The following RWDD3 variants were observed in gnomAD, a reference collection of about 807,000 sequenced individuals.
RWDD3 encodes the protein RWD domain containing 3.
Under a neutral mutation model 26.5 loss-of-function variants are expected in RWDD3, and 30 were observed. The ratio of observed to expected loss-of-function variants is 1.13; its 90% confidence interval spans 0.85 to 1.54. The LOEUF is 1.54. Among genes scored for constraint, RWDD3 ranks in the 40% most tolerant of loss-of-function variants. RWDD3 has a pLI of 0.00. For missense variants in RWDD3, 296 were observed against 309.1 expected, an observed-to-expected ratio of 0.96 and a Z score of 0.32; for synonymous variants, 113 against 114.5, an observed-to-expected ratio of 0.99 and a Z score of 0.09.
At chr1:95,238,250 G>A (rs1387039123) in intron 1 of RWDD3, among the ~76,000 whole-genome samples, 1 of 152,122 alleles carries the variant, frequency 6.6e-6, no homozygotes, top group East Asian at 1.9e-4. Flanking sequence ...TTGTATTTTA[G>A]CAACACTAAT....
chr1:95,234,369 G>C (rs1000500931), intron 1 of RWDD3, 54 bp downstream of exon 1: 1 of 1,502,526 alleles, frequency 6.7e-7, no homozygotes, highest in African/African-American at 1.4e-5. Flanking sequence ...ACCCGCGTTC[G>C]CTTTGCGTCT....
Position 95,244,220 on chromosome 1 carries a change from G to C in RWDD3, c.95G>C (p.Gly32Ala), listed in dbSNP as rs372680176. 14 of 1,613,500 alleles carry C rather than the reference G, an allele frequency of 8.7e-6. No individual in the cohort carries two copies. In the African/African-American group the frequency reaches 1.5e-4, roughly 17 times the overall value. ...WEVLSRSETD[G>A]TVFRIHTKAE... ...TTTGGATGCCTTCCAGAGACAGATG[G>C]GACCGTGTTCAGAATTCACACAAAA... Residue 32 changes from glycine to alanine, a missense_variant, in exon 2 of 4, where the codon GGG becomes GCG. Coordinates refer to ENST00000370202, the MANE Select transcript of RWDD3 (RefSeq NM_015485.5).
At chr1:95,243,682 C>T (rs1367538863) in intron 1 of RWDD3, among the ~76,000 whole-genome samples, 1 of 152,212 alleles carries the variant, frequency 6.6e-6, no homozygotes, top group African/African-American at 2.4e-5. Context: ...AAGAAGAGAA[C>T]ATTCCAGGCA....
In RWDD3 at chr1:95,244,409, T is replaced by G. The variant is rs762360449; in HGVS notation, c.284T>G (p.Leu95Trp). 2.2e-5 allele frequency: 35 copies of G among 1,614,086 alleles called. No homozygotes were observed. The highest frequency in any genetic ancestry group is 5.5e-5 in the South Asian group (5 of 91,084). Residue 95 changes from leucine (L) to tryptophan (W), a missense_variant, in exon 2 of 4, where the codon TTG (leucine) becomes TGG (tryptophan). By Grantham distance (61) the Leu-to-Trp change is moderately conservative (BLOSUM62 -2). Transcript: ENST00000370202. ...ENLLEQAESL[L>W]SEPMVHELVL... is the part of the protein sequence containing the mutation. Reference sequence around the variant, plus strand: ...TTACTTGAGCAAGCAGAGAGCCTTTTGTCGGAGCCTATGGTTCATGAGCTG... The same window carrying G: ...TTACTTGAGCAAGCAGAGAGCCTTTGGTCGGAGCCTATGGTTCATGAGCTG...
At chr1:95,235,585 C>G (rs898002095) in intron 1 of RWDD3, among the ~76,000 whole-genome samples, 5 of 151,770 alleles carry the variant, frequency 3.3e-5, no homozygotes, top group African/African-American at 7.3e-5. Context: ...GTCTCAATCT[C>G]CTGACCTCGT....
chr1:95,245,185 C>T (rs556653160), intron 2 of RWDD3, among the ~76,000 whole-genome samples: 13 of 152,244 alleles, frequency 8.5e-5, no homozygotes, highest in South Asian at 2.1e-4. Context: ...CTGTTATAAC[C>T]GAGATTTCAT....
intron 1 of RWDD3, among the ~76,000 whole-genome samples, chr1:95,242,449 TCTC>T (rs1407186452): frequency 3.9e-5 from 6 of 152,156 alleles, no homozygotes; most frequent in African/African-American, 1.2e-4. Context: ...CTTTAAAAGT[TCTC>T]CTCCTTCTTG....
intron 1 of RWDD3, among the ~76,000 whole-genome samples, chr1:95,241,483 A>G (rs1680618624): frequency 6.6e-6 from 1 of 152,216 alleles, no homozygotes; most frequent in Non-Finnish European, 1.5e-5. Context: ...ATCCTGCTCA[A>G]TCTTTGTCCT....
chr1:95,244,076 C>A (rs935387624), intron 1 of RWDD3, 135 bp from the exon 2 acceptor site: 2 of 1,311,438 alleles, frequency 1.5e-6, no homozygotes, highest in South Asian at 1.5e-5. Flanking sequence ...CCTAGTATTA[C>A]GTGTCCCTTC....
chr1:95,246,606 A>G lies in RWDD3; in HGVS notation c.638A>G (p.Glu213Gly), dbSNP rs1349190423. Residue 213 changes from glutamate (E) to glycine (G), a missense_variant, in exon 3 of 4, where the codon GAG (glutamate) becomes GGG (glycine). Coordinates refer to ENST00000370202, the MANE Select transcript of RWDD3 (RefSeq NM_015485.5). ...DVDSSGKKCK[E>G]KMISVLFETK... is the part of the protein sequence containing the mutation. Reference sequence around the variant, plus strand: ...GACTCAAGTGGAAAGAAATGCAAAGAGAAAATGATTAGTGTACTGTTTGAA... The same window carrying G: ...GACTCAAGTGGAAAGAAATGCAAAGGGAAAATGATTAGTGTACTGTTTGAA... 1 of 1,613,104 alleles carries G rather than the reference A, an allele frequency of 6.2e-7. No individual in the cohort carries two copies. The highest frequency in any genetic ancestry group is 8.5e-7 in the Non-Finnish European group (1 of 1,179,336).
intron 1 of RWDD3, chr1:95,243,448 C>T (rs1039011894): frequency 6.6e-6 from 1 of 152,240 alleles, no homozygotes; most frequent in African/African-American, 2.4e-5. Flanking sequence ...CTGTTCTACT[C>T]AGCCTGACGT....
At chr1:95,238,456 T>C (rs145440858) in intron 1 of RWDD3, among the ~76,000 whole-genome samples, 1 of 151,942 alleles carries the variant, frequency 6.6e-6, no homozygotes, top group Non-Finnish European at 1.5e-5. Context: ...GAAACTTATG[T>C]AAAAATCCAA....
intron 1 of RWDD3, among the ~76,000 whole-genome samples, chr1:95,236,294 C>T (rs923423245): frequency 1.3e-5 from 2 of 149,234 alleles, no homozygotes; most frequent in Admixed American, 6.7e-5. Flanking sequence ...CCATTCATTG[C>T]ACTGCAGCCT....
intron 1 of RWDD3, among the ~76,000 whole-genome samples, chr1:95,242,057 C>T (rs1011710254): frequency 6.6e-6 from 1 of 152,186 alleles, no homozygotes; most frequent in Non-Finnish European, 1.5e-5. Flanking sequence ...CACCACCACC[C>T]CCCAGCCTTC....
chr1:95,244,801 ATGTTTCTG>A (rs1680784121), intron 2 of RWDD3, 103 bp downstream of exon 2: 1 of 1,279,546 alleles, frequency 7.8e-7, no homozygotes, highest in Non-Finnish European at 1.1e-6. Context: ...AATTATTAAG[ATGTTTCTG>A]CTTTCATTAT....
chr1:95,246,450 G>T, intron 2 of RWDD3, 92 bp from the exon 3 acceptor site: 1 of 646,224 alleles, frequency 1.5e-6, no homozygotes. Context: ...ATTTAAGCAT[G>T]AAAATAAGCC....
chr1:95,238,678 A>T (rs564458578), intron 1 of RWDD3, among the ~76,000 whole-genome samples: 9 of 151,906 alleles, frequency 5.9e-5, no homozygotes, highest in African/African-American at 1.7e-4. Flanking sequence ...CAATTTCTTA[A>T]TGGGCTCTTA....
At chr1:95,241,552 A>G (rs1295043727) in intron 1 of RWDD3, among the ~76,000 whole-genome samples, 3 of 152,204 alleles carry the variant, frequency 2.0e-5, no homozygotes, top group Non-Finnish European at 4.4e-5. Flanking sequence ...ACCTGGAGGG[A>G]TAAACTCTAG....
At chr1:95,235,550 G>T (rs942153470) in intron 1 of RWDD3, among the ~76,000 whole-genome samples, 1 of 150,898 alleles carries the variant, frequency 6.6e-6, no homozygotes, top group Non-Finnish European at 1.5e-5. Context: ...AGTAGAGACG[G>T]GGTTTCACCA....
Sources: gnomAD v4.1 joint callset for allele counts (sites outside exome capture counted in the v4.1 genomes callset) on GRCh38, gnomAD v4.1.1 for gene constraint, MANE v1.5 for transcripts, NCBI Gene and HGNC (gene_info 2026-07-23, HGNC 2026-07-21) for gene names.